CTIF: variants seen among roughly 807,000 people sequenced by gnomAD.
The protein encoded by CTIF is CBP80/20-dependent translation initiation factor.
A neutral mutation model predicts 66.0 loss-of-function variants in CTIF; 21 were observed. That is an observed-to-expected ratio of 0.32 (90% CI 0.23 to 0.46). The LOEUF (loss-of-function observed/expected upper bound fraction) is 0.46. CTIF is among the 20% of genes least tolerant of loss of function. CTIF has a pLI of 1.00. For missense variants in CTIF, 739 were observed against 812.7 expected, an observed-to-expected ratio of 0.91 and a Z score of 1.10; for synonymous variants, 345 against 326.4, an observed-to-expected ratio of 1.06 and a Z score of -0.62.
chr18:48,545,496 G>A (rs151192845), intron 1 of CTIF, among the ~76,000 whole-genome samples: 10 of 152,286 alleles, frequency 6.6e-5, no homozygotes, highest in African/African-American at 1.7e-4. Flanking sequence ...AGTAAAGTCC[G>A]CAGTGATTAC....
At chr18:48,775,874 A>G (rs1437406183) in intron 9 of CTIF, among the ~76,000 whole-genome samples, 4 of 152,194 alleles carry the variant, frequency 2.6e-5, no homozygotes, top group African/African-American at 4.8e-5. Context: ...GAGGGTGTCA[A>G]TCAGCAAGCC....
In CTIF at chr18:48,676,209, C is replaced by G. The variant is rs60095808; in HGVS notation, c.507+5465C>G. Among the ~76,000 whole-genome samples, 559 of 152,314 alleles carry G rather than the reference C, an allele frequency of 3.7e-3. 1 individual carries two copies. The highest frequency in any genetic ancestry group is 0.013 in the African/African-American group (538 of 41,562). Reference sequence around the variant, plus strand: ...TCCCGGGCACAGGGCCCTCGGCGCCCTGCGGAAATGCCACCTCCTTATATC... The same window carrying G: ...TCCCGGGCACAGGGCCCTCGGCGCCGTGCGGAAATGCCACCTCCTTATATC... On this transcript the variant is annotated intron_variant, in intron 6 of 11. Transcript: ENST00000256413.
rs140721304 is a variant in CTIF at position 48,730,247 on chromosome 18, G to A, written c.584+18552G>A. Among the ~76,000 whole-genome samples the A allele has an allele frequency of 6.9e-3, 1,007 of 146,956 alleles. 4 individuals are homozygous for A. Among genetic ancestry groups the A allele is most frequent in the Middle Eastern group, 0.018 (5 of 284 alleles). Reference sequence around the variant, plus strand: ...CCCCCGAAGTGTGAGGGGCCTCCGCGGTGTGAGGGGCCCCCGCAGTGTGAG... The same window carrying A: ...CCCCCGAAGTGTGAGGGGCCTCCGCAGTGTGAGGGGCCCCCGCAGTGTGAG... On this transcript the variant is annotated intron_variant, in intron 7 of 11. Coordinates refer to ENST00000256413, the MANE Select transcript of CTIF (RefSeq NM_014772.3).
At chr18:48,784,951 CT>C (rs1911573188) in intron 9 of CTIF, among the ~76,000 whole-genome samples, 1 of 152,242 alleles carries the variant, frequency 6.6e-6, no homozygotes, top group Admixed American at 6.5e-5. Flanking sequence ...CATCTTCCCC[CT>C]AGTTCCTGAG....
At chr18:48,580,576 C>G (rs1273030000) in intron 1 of CTIF, among the ~76,000 whole-genome samples, 1 of 152,298 alleles carries the variant, frequency 6.6e-6, no homozygotes, top group African/African-American at 2.4e-5. Flanking sequence ...CACCTTTGGG[C>G]CCCATGACCC....
rs143028722 is a variant in CTIF at position 48,657,466 on chromosome 18, A to C, written c.253-6286A>C. 4.4e-3 allele frequency among the ~76,000 whole-genome samples: 677 copies of C among 152,286 alleles called. 5 individuals carry two copies. Among genetic ancestry groups the C allele is most frequent in the African/African-American group, 0.016 (644 of 41,546 alleles). On this transcript the variant is annotated intron_variant, in intron 3 of 11. Transcript: ENST00000256413. ...GCATCGTCTGTGAACCATCCCAGCTACACTAAATTTAAACCACCAACCCTC... is the reference window on the plus strand; with the variant it reads ...GCATCGTCTGTGAACCATCCCAGCTCCACTAAATTTAAACCACCAACCCTC...
At chr18:48,740,895 T>A (rs2092547481) in intron 7 of CTIF, among the ~76,000 whole-genome samples, 1 of 152,238 alleles carries the variant, frequency 6.6e-6, no homozygotes, top group Non-Finnish European at 1.5e-5. Flanking sequence ...CCCTGCCAAG[T>A]CCAGAAATAT....
At chr18:48,559,415 A>C (rs1277768610) in intron 1 of CTIF, among the ~76,000 whole-genome samples, 3 of 152,226 alleles carry the variant, frequency 2.0e-5, no homozygotes, top group Admixed American at 2.0e-4. Flanking sequence ...GGAAGCAGAT[A>C]GCTTGGTGGG....
intron 3 of CTIF, among the ~76,000 whole-genome samples, chr18:48,647,143 G>A (rs2091055279): frequency 6.6e-6 from 1 of 152,224 alleles, no homozygotes; most frequent in African/African-American, 2.4e-5. Flanking sequence ...TGATGATGCA[G>A]CAGCCTGGAG....
intron 1 of CTIF, among the ~76,000 whole-genome samples, chr18:48,590,396 C>G (rs762041691): frequency 6.6e-6 from 1 of 152,196 alleles, no homozygotes; most frequent in African/African-American, 2.4e-5. Flanking sequence ...AACCAGGAGG[C>G]CTGTGGGAAA....
At chr18:48,582,314 T>C (rs376402007) in intron 1 of CTIF, among the ~76,000 whole-genome samples, 1 of 151,872 alleles carries the variant, frequency 6.6e-6, no homozygotes, top group East Asian at 1.9e-4. Flanking sequence ...GGACCACGCA[T>C]GGTGTGGACA....
intron 10 of CTIF, among the ~76,000 whole-genome samples, chr18:48,850,161 C>T (rs1029100572): frequency 2.6e-5 from 4 of 152,130 alleles, no homozygotes; most frequent in Non-Finnish European, 5.9e-5. Flanking sequence ...ATAATGTCTT[C>T]GGGGCTCGTC....
intron 1 of CTIF, among the ~76,000 whole-genome samples, chr18:48,545,574 C>A (rs1285698933): frequency 6.8e-6 from 1 of 147,756 alleles, no homozygotes; most frequent in Admixed American, 6.7e-5. Context: ...ACTAGATGGA[C>A]GGCAGCTCTT....
At chr18:48,779,664 G>A (rs1462038633) in intron 9 of CTIF, among the ~76,000 whole-genome samples, 2 of 152,358 alleles carry the variant, frequency 1.3e-5, no homozygotes, top group South Asian at 4.1e-4. Flanking sequence ...TTAGCAGCGG[G>A]CTTGGGTCTG....
intron 1 of CTIF, among the ~76,000 whole-genome samples, chr18:48,541,230 C>T (rs1346697235): frequency 6.6e-6 from 1 of 152,078 alleles, no homozygotes. Flanking sequence ...CCCAGCCCGG[C>T]CCAGGCCGCC....
At chr18:48,758,640 C>T (rs1842175203) in intron 8 of CTIF, among the ~76,000 whole-genome samples, 1 of 152,148 alleles carries the variant, frequency 6.6e-6, no homozygotes, top group South Asian at 2.1e-4. Context: ...CTTCCAAACT[C>T]CAAGAGGCCC....
intron 3 of CTIF, chr18:48,661,806 CT>C (rs1410057912): frequency 2.6e-5 from 4 of 152,200 alleles, no homozygotes; most frequent in Non-Finnish European, 5.9e-5. Flanking sequence ...TCTGGGATCT[CT>C]TTATTTAAAT....
intron 9 of CTIF, among the ~76,000 whole-genome samples, chr18:48,773,317 G>A (rs983386194): frequency 6.6e-6 from 1 of 152,242 alleles, no homozygotes; most frequent in Non-Finnish European, 1.5e-5. Flanking sequence ...AGGGGTTCTA[G>A]GTAGCCACGT....
intron 9 of CTIF, among the ~76,000 whole-genome samples, chr18:48,815,547 G>A (rs1163951826): frequency 6.6e-6 from 1 of 152,222 alleles, no homozygotes. Flanking sequence ...ACACACACAA[G>A]TATATACTTT....
Sources: gnomAD v4.1 joint callset for allele counts (sites outside exome capture counted in the v4.1 genomes callset) on GRCh38, gnomAD v4.1.1 for gene constraint, MANE v1.5 for transcripts, NCBI Gene and HGNC (gene_info 2026-07-23, HGNC 2026-07-21) for gene names.